Variants in ARL6IP6 observed in about 807,000 individuals in gnomAD.
ARL6IP6 encodes ADP-ribosylation factor-like protein 6-interacting protein 6.
Under a neutral mutation model 21.5 loss-of-function variants are expected in ARL6IP6, and 22 were observed. That is an observed-to-expected ratio of 1.02 (90% confidence interval 0.73 to 1.46). The LOEUF (loss-of-function observed/expected upper bound fraction) is 1.46, where lower values mean the gene tolerates loss of function less well. Ranked by LOEUF, ARL6IP6 falls within the 40% of genes most tolerant of loss-of-function variation. The pLI is 0.00. For missense variants in ARL6IP6, 388 were observed against 299.8 expected (o/e 1.29, Z -2.17); for synonymous variants, 164 against 125.3 (o/e 1.31, Z -2.06).
intron 3 of ARL6IP6, among the ~76,000 whole-genome samples, chr2:152,749,132 C>A (rs1701194090): frequency 6.6e-6 from 1 of 151,892 alleles, no homozygotes; most frequent in African/African-American, 2.4e-5. Context: ...AATTATAATT[C>A]TTTTATAATA....
At chr2:152,728,698 C>T (rs1487341319) in intron 2 of ARL6IP6, among the ~76,000 whole-genome samples, 1 of 152,120 alleles carries the variant, frequency 6.6e-6, no homozygotes, top group East Asian at 1.9e-4. Flanking sequence ...GAAATTCCTA[C>T]CCATCCCTGT....
chr2:152,754,313 G>T (rs11894277), intron 3 of ARL6IP6, among the ~76,000 whole-genome samples: 4,428 of 147,158 alleles, frequency 0.03, 226 homozygotes, highest in African/African-American at 0.1. Flanking sequence ...GAATCGTACA[G>T]ATTTTTTTTT....
chr2:152,759,914 T>C lies in ARL6IP6; in HGVS notation c.*74T>C. The C allele has an allele frequency of 7.7e-7, 1 of 1,294,010 alleles. No individual in the cohort carries two copies. Among genetic ancestry groups the C allele is most frequent in the Non-Finnish European group, 1.1e-6 (1 of 893,854 alleles). The allele number at this position is 1,294,010 out of a possible 1,614,324, so 80.2% of individuals were successfully genotyped here. A position where few individuals can be genotyped will look rare whatever the true frequency, so the allele number is the denominator to read the frequency against. The stretch of plus-strand genomic sequence containing the variant: ...GTAATAACAAGAAGGAGCATCACTG[T>C]CTACTCAGAAGACTGAGAAACCTGC... On this transcript the variant is annotated 3_prime_UTR_variant, in exon 4 of 4. Transcript: ENST00000326446.
chr2:152,740,302 G>A (rs1214669425), intron 3 of ARL6IP6, among the ~76,000 whole-genome samples: 1 of 152,006 alleles, frequency 6.6e-6, no homozygotes, highest in Admixed American at 6.6e-5. Context: ...ATTTTGCCAT[G>A]TGCCCAGGCT....
chr2:152,751,353 CA>C (rs756670612), intron 3 of ARL6IP6, among the ~76,000 whole-genome samples: 1 of 152,308 alleles, frequency 6.6e-6, no homozygotes, highest in South Asian at 2.1e-4. Flanking sequence ...TGTGAGCATT[CA>C]AAATCTTCTC....
intron 3 of ARL6IP6, among the ~76,000 whole-genome samples, chr2:152,738,681 A>G (rs560635016): frequency 1.3e-5 from 2 of 152,252 alleles, no homozygotes; most frequent in Admixed American, 6.5e-5. Context: ...GAGACTGCAC[A>G]AAGCAGCAAG....
Position 152,718,913 on chromosome 2 carries a change from A to G in ARL6IP6, c.289A>G (p.Ser97Gly). 1 of 1,613,932 alleles carries G rather than the reference A, an allele frequency of 6.2e-7. No individual in the cohort carries two copies. The highest frequency in any genetic ancestry group is 1.1e-5 in the South Asian group (1 of 91,026). Reference sequence around the variant, plus strand: ...TGGTATCTTTCCCGCGGCCGCGGGCAGCAGAGCCCAGCCTCGGCGGTGGCC... The same window carrying G: ...TGGTATCTTTCCCGCGGCCGCGGGCGGCAGAGCCCAGCCTCGGCGGTGGCC... ...RNGIFPAAAG[S>G]RAQPRRWPVQ... Residue 97 changes from serine (S) to glycine (G), a missense_variant, in exon 1 of 4, where the codon AGC (serine) becomes GGC (glycine). Ser to Gly is a moderately conservative substitution (Grantham distance 56). Coordinates refer to ENST00000326446, the MANE Select transcript of ARL6IP6 (RefSeq NM_152522.7).
In ARL6IP6 at chr2:152,752,931, C is replaced by T. The variant is rs370337045; in HGVS notation, c.588-6816C>T. On this transcript the variant is annotated intron_variant, in intron 3 of 3. Coordinates refer to ENST00000326446, the MANE Select transcript of ARL6IP6 (RefSeq NM_152522.7). Reference sequence around the variant, plus strand: ...ACTTTAGGAAATTGGCCTTAGATTCCCTGCCCCCAGATCTTGGTGTTTCTC... The same window carrying T: ...ACTTTAGGAAATTGGCCTTAGATTCTCTGCCCCCAGATCTTGGTGTTTCTC... Among the ~76,000 whole-genome samples, 8 of 152,180 alleles carry T rather than the reference C, an allele frequency of 5.3e-5. 1 individual carries two copies. The South Asian group carries it at 1.7e-3, about 32-fold the overall frequency.
intron 2 of ARL6IP6, among the ~76,000 whole-genome samples, chr2:152,725,939 TAAA>T (rs1700026875): frequency 6.6e-6 from 1 of 151,778 alleles, no homozygotes; most frequent in African/African-American, 2.4e-5. Flanking sequence ...ATAAAGGAAA[TAAA>T]AAAGCCTCTT....
At chr2:152,717,726 G>A (rs190321952), upstream of ARL6IP6, 462 of 1,349,910 alleles carry the variant, frequency 3.4e-4, no homozygotes, top group African/African-American at 6.3e-3. Context: ...GAAGACAACA[G>A]TGTCCCAGCT....
Position 152,718,642 on chromosome 2 carries a change from C to T in ARL6IP6, c.18C>T (p.Ser6=), listed in dbSNP as rs751435605. The T allele has an allele frequency of 1.6e-5, 24 of 1,542,486 alleles. No individual in the cohort carries two copies. The highest frequency in any genetic ancestry group is 2.1e-5 in the Non-Finnish European group (24 of 1,143,578). The change falls in exon 1 of 4, where the codon AGC becomes AGT. Residue 6 remains serine (S), a synonymous_variant. Transcript: ENST00000326446. MSFAE[S]GWRSALRRRG... ...TTCGCGCCATGTCGTTTGCTGAGAGCGGGTGGCGGTCGGCTCTGCGGCGCC... is the reference window on the plus strand; with the variant it reads ...TTCGCGCCATGTCGTTTGCTGAGAGTGGGTGGCGGTCGGCTCTGCGGCGCC...
At chr2:152,717,774 G>C, upstream of ARL6IP6, 1 of 1,231,252 alleles carries the variant, frequency 8.1e-7, no homozygotes, top group African/African-American at 1.5e-5. Context: ...AGGGGGTGGG[G>C]CAGTGGGGGT....
At position 152,718,864 on chromosome 2, in the gene ARL6IP6, G is replaced by T. The variant is rs1330596320; in HGVS notation, c.240G>T (p.Ser80=). 3.7e-6 allele frequency: 6 copies of T among 1,613,332 alleles called. No homozygotes were observed. In the African/African-American group the frequency reaches 5.3e-5, roughly 14 times the overall value. Residue 80 remains serine, a synonymous_variant, in exon 1 of 4, where the codon TCG becomes TCT. Transcript: ENST00000326446. ...TGCTCCCGCCGGACGGGAACGGGTC[G>T]CCCGTTCTGCCCGATAAGCGCAATG... is the stretch of plus-strand genomic sequence containing the variant. The part of the protein sequence containing the change: ...RSVLPPDGNG[S]PVLPDKRNGI...
intron 2 of ARL6IP6, among the ~76,000 whole-genome samples, chr2:152,728,671 C>T (rs1041235819): frequency 5.3e-5 from 8 of 152,142 alleles, no homozygotes; most frequent in African/African-American, 1.9e-4. Context: ...AATATTCCAG[C>T]AAAGGGATTG....
intron 3 of ARL6IP6, among the ~76,000 whole-genome samples, chr2:152,745,970 G>A (rs1701024369): frequency 7.5e-6 from 1 of 132,990 alleles, no homozygotes; most frequent in Admixed American, 7.5e-5. Flanking sequence ...TTTCCATAAA[G>A]TGATACAGCT....
At chr2:152,734,257 A>G (rs1436428779) in intron 2 of ARL6IP6, among the ~76,000 whole-genome samples, 1 of 152,178 alleles carries the variant, frequency 6.6e-6, no homozygotes, top group Admixed American at 6.5e-5. Context: ...CTCAGTGCGA[A>G]TAAAATCTAA....
Position 152,735,434 on chromosome 2 carries a change from CAAAATTAAT to C in ARL6IP6, c.587+310_587+318del, listed in dbSNP as rs1365937009. Among the ~76,000 whole-genome samples, 5 of 152,116 alleles carry C rather than the reference CAAAATTAAT, an allele frequency of 3.3e-5. 1 individual carries two copies. Among genetic ancestry groups the C allele is most frequent in the Non-Finnish European group, 7.4e-5 (5 of 68,004 alleles). On this transcript the variant is annotated intron_variant, in intron 3 of 3. Transcript: ENST00000326446. ...TTTGATTTAAAACAGTTTATAAAGG[CAAAATTAAT>C]ACCAACAATTTGAAAGTTTTACTAG...
intron 3 of ARL6IP6, among the ~76,000 whole-genome samples, chr2:152,741,309 AC>A (rs1700798269): frequency 6.6e-6 from 1 of 152,008 alleles, no homozygotes; most frequent in Non-Finnish European, 1.5e-5. Context: ...CAATGTATAT[AC>A]TTTTTTGTAA....
chr2:152,719,013 T>A lies in ARL6IP6; in HGVS notation c.389T>A (p.Leu130Ter). The change falls in exon 1 of 4, where the codon TTG (leucine) becomes TAG (stop). Residue 130 changes from leucine (L) to a stop codon, truncating the protein, a stop_gained. Coordinates refer to ENST00000326446, the MANE Select transcript of ARL6IP6 (RefSeq NM_152522.7). LOFTEE classifies it high-confidence loss of function. ...LLAFLLAIAY[L>*]IVKELHAENL... The stretch of plus-strand genomic sequence containing the variant: ...GCCTTCCTCCTCGCCATCGCCTACT[T>A]GATCGTTAAAGGTATTGAAGCCGAC... 1 of 1,571,230 alleles carries A rather than the reference T, an allele frequency of 6.4e-7. No individual in the cohort carries two copies. Among genetic ancestry groups the A allele is most frequent in the South Asian group, 1.2e-5 (1 of 85,766 alleles).
Sources: allele counts gnomAD v4.1 joint callset (sites outside exome capture counted in the v4.1 genomes callset), GRCh38; gene constraint gnomAD v4.1.1; transcripts MANE v1.5; gene names NCBI Gene and HGNC (gene_info 2026-07-23, HGNC 2026-07-21).